Variants in KHDRBS2 observed in about 807,000 individuals in gnomAD.
KHDRBS2 encodes KH RNA binding domain containing, signal transduction associated 2.
Under a neutral mutation model 44.3 loss-of-function variants are expected in KHDRBS2, and 26 were observed. The observed-to-expected ratio is 0.59, with a 90% CI of 0.43 to 0.81. The LOEUF is 0.81. KHDRBS2 is among the 40% of genes least tolerant of loss of function. The pLI is 0.00. For missense variants in KHDRBS2, 476 were observed against 433.1 expected (o/e 1.10, Z -0.88); for synonymous variants, 194 against 151.1 (o/e 1.28, Z -2.08).
intron 1 of KHDRBS2, among the ~76,000 whole-genome samples, chr6:62,228,621 A>G (rs1472093663): frequency 6.6e-6 from 1 of 151,514 alleles, no homozygotes; most frequent in African/African-American, 2.4e-5. Context: ...TAATTGTGAT[A>G]TTATGCTGTT....
At chr6:62,058,962 G>GTCAC (rs1790963408) in intron 2 of KHDRBS2, among the ~76,000 whole-genome samples, 3 of 151,548 alleles carry the variant, frequency 2.0e-5, no homozygotes, top group African/African-American at 7.3e-5. Flanking sequence ...AATCAGTTCA[G>GTCAC]TCACTCACAA....
intron 6 of KHDRBS2, chr6:61,816,925 T>A (rs1419485970): frequency 4.4e-6 from 2 of 455,752 alleles, no homozygotes; most frequent in South Asian, 1.5e-5. Flanking sequence ...GTCATTTCCA[T>A]CTTTAGCATT....
intron 1 of KHDRBS2, among the ~76,000 whole-genome samples, chr6:62,265,085 T>C (rs115543317): frequency 0.025 from 3,811 of 152,038 alleles, 119 homozygotes; most frequent in African/African-American, 0.082. Flanking sequence ...TTAAGTGAGC[T>C]TGGGCTCACA....
intron 1 of KHDRBS2, among the ~76,000 whole-genome samples, chr6:62,199,424 A>G (rs2150136910): frequency 6.6e-6 from 1 of 152,328 alleles, no homozygotes; most frequent in African/African-American, 2.4e-5. Flanking sequence ...AAAAATCACA[A>G]GCGTTCTTAT....
chr6:61,564,430 G>A, the KHDRBS2 span, among the ~76,000 whole-genome samples: 88 of 152,104 alleles, frequency 5.8e-4, no homozygotes, highest in Middle Eastern at 3.4e-3. Flanking sequence ...GCTTTACATG[G>A]CCCACATTTA....
chr6:62,280,939 G>C (rs755102114), intron 1 of KHDRBS2, among the ~76,000 whole-genome samples: 5 of 152,142 alleles, frequency 3.3e-5, no homozygotes, highest in Non-Finnish European at 7.3e-5. Context: ...GAAGTTTTTA[G>C]GTGGTAGGAG....
intron 1 of KHDRBS2, among the ~76,000 whole-genome samples, chr6:62,275,558 T>C (rs925150795): frequency 6.6e-6 from 1 of 152,196 alleles, no homozygotes; most frequent in African/African-American, 2.4e-5. Context: ...ATAAAATGAA[T>C]GTACTGGTGG....
chr6:61,752,146 G>C (rs1036656001), intron 6 of KHDRBS2, among the ~76,000 whole-genome samples: 6 of 152,294 alleles, frequency 3.9e-5, no homozygotes, highest in Non-Finnish European at 4.4e-5. Context: ...CCATAAGGAA[G>C]TGAGGCATCG....
intron 3 of KHDRBS2, among the ~76,000 whole-genome samples, chr6:62,001,666 G>A (rs975534777): frequency 2.0e-5 from 3 of 151,938 alleles, no homozygotes; most frequent in Admixed American, 1.3e-4. Flanking sequence ...AGACTCTGCT[G>A]GTATTACTTC....
the KHDRBS2 span, among the ~76,000 whole-genome samples, chr6:61,603,314 C>A: frequency 1.3e-5 from 2 of 152,138 alleles, no homozygotes; most frequent in Non-Finnish European, 2.9e-5. Context: ...ACCCTCAATA[C>A]CTCCCTCCAC....
At chr6:62,162,446 A>G (rs1003347218) in intron 2 of KHDRBS2, among the ~76,000 whole-genome samples, 1 of 152,102 alleles carries the variant, frequency 6.6e-6, no homozygotes, top group African/African-American at 2.4e-5. Flanking sequence ...AAATCTGCTG[A>G]TAGTCCTATT....
In KHDRBS2 at chr6:61,959,394, CCA is replaced by C. The variant is rs550785298; in HGVS notation, c.483+18670_483+18671del. On this transcript the variant is annotated intron_variant, in intron 4 of 8. Coordinates refer to ENST00000281156, the MANE Select transcript of KHDRBS2 (RefSeq NM_152688.4). ...CATTAACAGGCAGTAAAATGATCCA[CCA>C]CACACTGCCAAGCTGCAGAATTTTG... 2.3e-3 allele frequency among the ~76,000 whole-genome samples: 352 copies of C among 152,236 alleles called. 1 individual carries two copies. Among genetic ancestry groups the C allele is most frequent in the Non-Finnish European group, 4.2e-3 (284 of 68,028 alleles).
chr6:62,163,417 C>A (rs1818040753), intron 2 of KHDRBS2, among the ~76,000 whole-genome samples: 2 of 151,986 alleles, frequency 1.3e-5, no homozygotes, highest in Non-Finnish European at 2.9e-5. Context: ...ATTGAACTTT[C>A]TTTTCAATTC....
At chr6:61,848,663 T>C (rs540198876) in intron 6 of KHDRBS2, among the ~76,000 whole-genome samples, 7 of 144,162 alleles carry the variant, frequency 4.9e-5, no homozygotes, top group Non-Finnish European at 1.1e-4. Context: ...ATATCTCAAC[T>C]GATCTCTCTG....
chr6:61,729,449 T>A (rs1340950454), intron 7 of KHDRBS2, among the ~76,000 whole-genome samples: 1 of 152,058 alleles, frequency 6.6e-6, no homozygotes, highest in East Asian at 1.9e-4. Flanking sequence ...TTCACTTGGG[T>A]AAATACCGAA....
chr6:61,877,437 T>C (rs189844911), intron 6 of KHDRBS2, among the ~76,000 whole-genome samples: 1 of 151,586 alleles, frequency 6.6e-6, no homozygotes, highest in African/African-American at 2.4e-5. Context: ...AGAAAGTTTT[T>C]TTTTTGTTTT....
chr6:61,765,549 T>C (rs1188265287), intron 6 of KHDRBS2, among the ~76,000 whole-genome samples: 4 of 152,304 alleles, frequency 2.6e-5, no homozygotes, highest in Admixed American at 6.5e-5. Flanking sequence ...AATAGGCATG[T>C]ATATTTATGG....
At chr6:61,949,720 G>A (rs1234802553) in intron 4 of KHDRBS2, among the ~76,000 whole-genome samples, 1 of 151,578 alleles carries the variant, frequency 6.6e-6, no homozygotes, top group African/African-American at 2.4e-5. Context: ...TTGTGTATTT[G>A]TATAAAAGTA....
intron 8 of KHDRBS2, among the ~76,000 whole-genome samples, chr6:61,693,543 A>AAATAGG (rs1297340856): frequency 1.3e-5 from 2 of 152,324 alleles, no homozygotes; most frequent in East Asian, 3.9e-4. Context: ...TTAGTTAGTA[A>AAATAGG]AATAGGTAAA....
Sources: gnomAD v4.1 joint callset for allele counts (sites outside exome capture counted in the v4.1 genomes callset) on GRCh38, gnomAD v4.1.1 for gene constraint, MANE v1.5 for transcripts, NCBI Gene and HGNC (gene_info 2026-07-23, HGNC 2026-07-21) for gene names.